Variants in STIM2 observed in about 807,000 individuals in gnomAD.
STIM2 encodes stromal interaction molecule 2.
Under a neutral mutation model 85.8 loss-of-function variants are expected in STIM2, and 31 were observed. The ratio of observed to expected loss-of-function variants is 0.36; its 90% confidence interval spans 0.27 to 0.49. STIM2 has a LOEUF of 0.49. Ranked by LOEUF, STIM2 falls within the 20% of genes least tolerant of loss-of-function variation. STIM2 has a pLI of 0.98. For synonymous variants in STIM2, 356 were observed against 331.1 expected (o/e 1.08, Z -0.82); for missense variants, 841 against 927.6 (o/e 0.91, Z 1.21).
At chr4:26,938,852 A>G (rs1393891876) in intron 2 of STIM2, among the ~76,000 whole-genome samples, 1 of 152,240 alleles carries the variant, frequency 6.6e-6, no homozygotes, top group Non-Finnish European at 1.5e-5. Context: ...CTAGGATTAG[A>G]GTCCAACTGT....
At chr4:26,919,310 A>T (rs963267887) in intron 1 of STIM2, among the ~76,000 whole-genome samples, 194 bp from the exon 2 acceptor site, 2 of 152,002 alleles carry the variant, frequency 1.3e-5, no homozygotes, top group South Asian at 4.1e-4. Flanking sequence ...ATTAAATTGG[A>T]TTATTTCTTT....
At chr4:26,923,099 C>T (rs928207459) in intron 2 of STIM2, among the ~76,000 whole-genome samples, 3 of 150,758 alleles carry the variant, frequency 2.0e-5, no homozygotes, top group South Asian at 2.1e-4. Flanking sequence ...CTGGGAGGCA[C>T]CCCCCAGCAG....
At chr4:27,014,562 C>CT (rs1728674463) in intron 10 of STIM2, among the ~76,000 whole-genome samples, 1 of 151,186 alleles carries the variant, frequency 6.6e-6, no homozygotes, top group African/African-American at 2.4e-5. Context: ...GTTAATATGA[C>CT]TTTTTTTGTA....
intron 3 of STIM2, among the ~76,000 whole-genome samples, chr4:26,976,756 A>T (rs767487852): frequency 2.6e-5 from 4 of 152,106 alleles, no homozygotes; most frequent in Non-Finnish European, 5.9e-5. Context: ...GTGAGCCGAG[A>T]TCATAACACT....
intron 10 of STIM2, among the ~76,000 whole-genome samples, chr4:27,013,604 TGTAGTAATTCTA>T (rs1387583016): frequency 6.6e-6 from 1 of 152,080 alleles, no homozygotes; most frequent in East Asian, 1.9e-4. Context: ...TTGTTCACCT[TGTAGTAATTCTA>T]TTACCTTTTA....
At chr4:27,010,336 C>T (rs556726858) in intron 10 of STIM2, among the ~76,000 whole-genome samples, 3 of 152,028 alleles carry the variant, frequency 2.0e-5, no homozygotes, top group East Asian at 1.9e-4. Flanking sequence ...CTCAGCTACT[C>T]GGGAGGCTGA....
intron 2 of STIM2, among the ~76,000 whole-genome samples, chr4:26,928,401 A>T (rs989941151): frequency 6.6e-6 from 1 of 152,226 alleles, no homozygotes; most frequent in Non-Finnish European, 1.5e-5. Context: ...ATTGTGCATG[A>T]TATATACACA....
At chr4:27,008,309 C>G (rs774380520) in intron 8 of STIM2, 119 bp from the exon 9 acceptor site, 112 of 563,840 alleles carry the variant, frequency 2.0e-4, no homozygotes, top group Non-Finnish European at 3.0e-4. Flanking sequence ...TAGTAATTCT[C>G]TACTGGTTTT....
chr4:27,021,343 A>T, intron 11 of STIM2: 1 of 398,950 alleles, frequency 2.5e-6, no homozygotes. Context: ...AAGGAAAGAG[A>T]ATGCTGTTTC....
At chr4:26,877,126 A>G (rs1271006552) in intron 1 of STIM2, among the ~76,000 whole-genome samples, 2 of 152,044 alleles carry the variant, frequency 1.3e-5, no homozygotes, top group Admixed American at 1.3e-4. Flanking sequence ...TTGGGACACC[A>G]ATTAAGTATA....
intron 2 of STIM2, among the ~76,000 whole-genome samples, chr4:26,923,472 A>G (rs949347055): frequency 1.3e-5 from 2 of 149,786 alleles, no homozygotes; most frequent in African/African-American, 2.5e-5. Context: ...AGACAAGCAA[A>G]TGCTGAGAGA....
chr4:26,891,507 A>ATG (rs1212460313), intron 1 of STIM2, among the ~76,000 whole-genome samples: 1 of 151,918 alleles, frequency 6.6e-6, no homozygotes, highest in Non-Finnish European at 1.5e-5. Context: ...ATACACATAT[A>ATG]TGTGTGTTTG....
chr4:26,919,814 TC>T (rs940107493), intron 2 of STIM2, among the ~76,000 whole-genome samples, 180 bp downstream of exon 2: 1 of 152,124 alleles, frequency 6.6e-6, no homozygotes, highest in Admixed American at 6.6e-5. Context: ...TTTCTGTTTT[TC>T]CCCCCATTTG....
intron 1 of STIM2, among the ~76,000 whole-genome samples, chr4:26,906,458 T>TG (rs1168745332): frequency 2.7e-5 from 4 of 149,174 alleles, no homozygotes; most frequent in Admixed American, 2.7e-4. Context: ...TTTTTTTTTT[T>TG]GAAAAGCTAT....
At position 27,004,133 on chromosome 4, in the gene STIM2, A is replaced by G. The variant is rs183573492; in HGVS notation, c.981+1029A>G. On this transcript the variant is annotated intron_variant, in intron 7 of 11. Transcript: ENST00000467087. ...TTAAGTGATGAATGACATAAGGTCA[A>G]CTCATGAGAATACATTACTGTTTCC... Among the ~76,000 whole-genome samples the G allele has an allele frequency of 1.6e-4, 24 of 152,298 alleles. No homozygotes were observed. The East Asian group carries it at 3.1e-3, about 20-fold the overall frequency.
At chr4:26,897,008 A>G (rs1723734690) in intron 1 of STIM2, among the ~76,000 whole-genome samples, 1 of 152,192 alleles carries the variant, frequency 6.6e-6, no homozygotes, top group Non-Finnish European at 1.5e-5. Context: ...GATCCATTCA[A>G]ATTGTTGAGA....
At chr4:26,979,374 G>A (rs1727302244) in intron 3 of STIM2, among the ~76,000 whole-genome samples, 1 of 152,156 alleles carries the variant, frequency 6.6e-6, no homozygotes. Flanking sequence ...TGAGTAGATG[G>A]TTCTTCATGA....
At chr4:26,963,444 C>A (rs534429505) in intron 3 of STIM2, among the ~76,000 whole-genome samples, 1 of 110,272 alleles carries the variant, frequency 9.1e-6, no homozygotes, top group African/African-American at 3.4e-5. Context: ...AGAAGAGGAA[C>A]TTAAAACGTA....
At chr4:26,875,396 AAATTTAGTTTT>A (rs1279534785) in intron 1 of STIM2, among the ~76,000 whole-genome samples, 2 of 152,184 alleles carry the variant, frequency 1.3e-5, no homozygotes, top group Non-Finnish European at 2.9e-5. Context: ...AGTGTACTAA[AAATTTAGTTTT>A]ACGTTTTGAA....
Sources: allele counts gnomAD v4.1 joint callset (sites outside exome capture counted in the v4.1 genomes callset), GRCh38; gene constraint gnomAD v4.1.1; transcripts MANE v1.5; gene names NCBI Gene and HGNC (gene_info 2026-07-23, HGNC 2026-07-21).